Variants in OGDHL observed in about 807,000 individuals in gnomAD.
The protein encoded by OGDHL is oxoglutarate dehydrogenase L.
In OGDHL, 79 loss-of-function variants were observed where a neutral mutation model predicts 109.6. The observed-to-expected ratio is 0.72, with a 90% CI of 0.60 to 0.87. The LOEUF is 0.87. Among genes scored for constraint, OGDHL ranks in the 40% least tolerant of loss-of-function variants. The pLI is 0.00. For synonymous variants in OGDHL, 528 were observed against 537.2 expected (o/e 0.98, Z 0.24); for missense variants, 1,275 against 1,362.2 (o/e 0.94, Z 1.01).
At chr10:49,746,922 C>T (rs755066127) in intron 9 of OGDHL, 44 bp from the exon 10 acceptor site, 6 of 1,613,072 alleles carry the variant, frequency 3.7e-6, no homozygotes, top group Middle Eastern at 1.6e-4. Context: ...TGCCCCAGCC[C>T]ATGTAGCCCA....
chr10:49,744,769 G>A lies in OGDHL; in HGVS notation c.1630-17C>T, dbSNP rs763964956. ...AATTTCTTCCTGGAATCAGGATGAAGATGTGGACAGAGCACCAAAGCCCTG... is the reference window on the plus strand; with the variant it reads ...AATTTCTTCCTGGAATCAGGATGAAAATGTGGACAGAGCACCAAAGCCCTG... On this transcript the variant is annotated splice_polypyrimidine_tract_variant and intron_variant, in intron 12 of 22. Coordinates refer to ENST00000374103, the MANE Select transcript of OGDHL (RefSeq NM_018245.3). 3 of 1,597,850 alleles carry A rather than the reference G, an allele frequency of 1.9e-6. No homozygotes were observed. The highest frequency in any genetic ancestry group is 2.6e-6 in the Non-Finnish European group (3 of 1,165,134).
Position 49,744,498 on chromosome 10 carries a change from C to T in OGDHL, c.1732+152G>A, listed in dbSNP as rs971638677. 45 of 637,536 alleles carry T rather than the reference C, an allele frequency of 7.1e-5. 1 individual carries two copies. The highest frequency in any genetic ancestry group is 1.4e-4 in the South Asian group (7 of 51,744). 39.5% of individuals were successfully genotyped at this position (637,536 alleles called of 1,614,324 possible). ...AATGCTATCCTTGACTTGCAGGAAT[C>T]GGCCCCACGCAGCTTTGGGGACTCA... On this transcript the variant is annotated intron_variant, in intron 13 of 22. Coordinates refer to ENST00000374103, the MANE Select transcript of OGDHL (RefSeq NM_018245.3).
chr10:49,754,438 A>C (rs906593540), intron 3 of OGDHL, among the ~76,000 whole-genome samples: 1 of 152,226 alleles, frequency 6.6e-6, no homozygotes, highest in Non-Finnish European at 1.5e-5. Flanking sequence ...TCACTGAATA[A>C]AAGAAAAAAA....
At chr10:49,739,439 G>A in intron 17 of OGDHL, 3 of 513,190 alleles carry the variant, frequency 5.8e-6, no homozygotes, top group East Asian at 6.1e-5. Context: ...CTGGCGCACA[G>A]CAAGCACTCA....
At chr10:49,737,613 C>G (rs1017907244) in intron 20 of OGDHL, among the ~76,000 whole-genome samples, 173 bp downstream of exon 20, 3 of 152,144 alleles carry the variant, frequency 2.0e-5, no homozygotes, top group Non-Finnish European at 4.4e-5. Flanking sequence ...TGGCCCAGGT[C>G]AGCCATTGTG....
At chr10:49,747,486 G>C (rs905567521) in intron 8 of OGDHL, among the ~76,000 whole-genome samples, 2 of 152,306 alleles carry the variant, frequency 1.3e-5, no homozygotes, top group East Asian at 3.9e-4. Flanking sequence ...TCCAGCGGTG[G>C]GGAAGGCAGG....
chr10:49,743,011 G>C (rs1590707326), intron 14 of OGDHL, 33 bp from the exon 15 acceptor site: 1 of 1,605,918 alleles, frequency 6.2e-7, no homozygotes, highest in Non-Finnish European at 8.5e-7. Context: ...TGAGGGCCAA[G>C]GGACAGCCAG....
In OGDHL at chr10:49,746,769, T is replaced by C. The variant is rs1350052979; in HGVS notation, c.1277A>G (p.His426Arg). Residue 426 changes from histidine (H) to arginine (R), a missense_variant, in exon 10 of 23, where the codon CAC (histidine) becomes CGC (arginine). Physicochemically the swap from His to Arg is conservative, Grantham distance 29. Transcript: ENST00000374103. ...LPSYTTNGTV[H>R]VVVNNQIGFT... is the part of the protein sequence containing the mutation. ...GCTCACCTGGTTGTTGACGACGACG[T>C]GCACGGTACCATTGGTCGTGTAGGA... 5.0e-6 allele frequency: 8 copies of C among 1,614,030 alleles called. No individual in the cohort carries two copies. Among genetic ancestry groups the C allele is most frequent in the Non-Finnish European group, 6.8e-6 (8 of 1,180,014 alleles).
chr10:49,746,087 C>A lies in OGDHL; in HGVS notation c.1297-110G>T, dbSNP rs992131066. Reference sequence around the variant, plus strand: ...GATGCTCAAGGTCCACTGAGGTGCCCAGGAGGAATGTGGGACACAACAGGG... The same window carrying A: ...GATGCTCAAGGTCCACTGAGGTGCCAAGGAGGAATGTGGGACACAACAGGG... On this transcript the variant is annotated intron_variant, in intron 10 of 22. Coordinates refer to ENST00000374103, the MANE Select transcript of OGDHL (RefSeq NM_018245.3). 5 of 1,258,262 alleles carry A rather than the reference C, an allele frequency of 4.0e-6. No individual in the cohort carries two copies. The Admixed American group carries it at 7.0e-5, about 18-fold the overall frequency. The allele number at this position is 1,258,262 out of a possible 1,614,324, so 77.9% of individuals were successfully genotyped here. A position where few individuals can be genotyped will look rare whatever the true frequency, so the allele number is the denominator to read the frequency against.
At chr10:49,740,667 G>A (rs553195768) in intron 16 of OGDHL, 43 bp downstream of exon 16, 1 of 1,596,072 alleles carries the variant, frequency 6.3e-7, no homozygotes, top group African/African-American at 1.3e-5. Flanking sequence ...CTTGTCCCCA[G>A]GTGTCTGGGG....
intron 6 of OGDHL, among the ~76,000 whole-genome samples, chr10:49,751,529 T>G (rs372086968): frequency 6.6e-6 from 1 of 152,234 alleles, no homozygotes; most frequent in East Asian, 1.9e-4. Flanking sequence ...CCAGGGATAA[T>G]TTTCTGCCCA....
At chr10:49,742,363 C>T (rs1187480367) in intron 15 of OGDHL, among the ~76,000 whole-genome samples, 4 of 5,104 alleles carry the variant, frequency 7.8e-4, no homozygotes, top group Admixed American at 2.4e-3. Flanking sequence ...ACACAACACA[C>T]CACACACCCA....
chr10:49,739,460 C>G (rs140843137), intron 17 of OGDHL: 26 of 575,690 alleles, frequency 4.5e-5, no homozygotes, highest in African/African-American at 3.5e-4. Context: ...TACGTGGTAG[C>G]GCCTTCTGCT....
intron 7 of OGDHL, among the ~76,000 whole-genome samples, chr10:49,750,209 A>C (rs1842489755): frequency 2.0e-5 from 3 of 152,088 alleles, no homozygotes; most frequent in Admixed American, 6.6e-5. Context: ...TCACGGGAAA[A>C]GCCCAGGGCC....
Position 49,736,208 on chromosome 10 carries a change from A to G in OGDHL, c.2755-31T>C, listed in dbSNP as rs1841158836. 4 of 1,572,416 alleles carry G rather than the reference A, an allele frequency of 2.5e-6. No homozygotes were observed. In the African/African-American group the frequency reaches 5.4e-5, roughly 21 times the overall value. On this transcript the variant is annotated intron_variant, in intron 21 of 22. Coordinates refer to ENST00000374103, the MANE Select transcript of OGDHL (RefSeq NM_018245.3). ...GAGGCAGAAACAAAGGAGCATAGCC[A>G]GAGGAGGGGCGGTATGTCCCCAGCA...
intron 8 of OGDHL, among the ~76,000 whole-genome samples, chr10:49,747,729 C>T (rs1298822653): frequency 6.6e-6 from 1 of 152,092 alleles, no homozygotes; most frequent in African/African-American, 2.4e-5. Flanking sequence ...AAACCCACGC[C>T]CAGCGATAGG....
Position 49,736,504 on chromosome 10 carries a change from C to A in OGDHL, c.2607G>T (p.Arg869=), listed in dbSNP as rs1478796664. 6.2e-7 allele frequency: 1 copy of A among 1,613,420 alleles called. No individual in the cohort carries two copies. Among genetic ancestry groups the A allele is most frequent in the Non-Finnish European group, 8.5e-7 (1 of 1,179,978 alleles). Residue 869 remains arginine (R), a synonymous_variant, in exon 21 of 23, where the codon CGG becomes CGT. Transcript: ENST00000374103. ...DQMVSGTSFQ[R]VIPEDGAAAR... Reference sequence around the variant, plus strand: ...CTGCGGCCCCATCTTCAGGAATCACCCGCTGGAAGCTGGTCCCTGAGGGAC... The same window carrying A: ...CTGCGGCCCCATCTTCAGGAATCACACGCTGGAAGCTGGTCCCTGAGGGAC...
In OGDHL at chr10:49,744,686, G is replaced by A. The variant is rs1842047016; in HGVS notation, c.1696C>T (p.Leu566=). 3.7e-6 allele frequency: 6 copies of A among 1,614,182 alleles called. No individual in the cohort carries two copies. Among genetic ancestry groups the A allele is most frequent in the Non-Finnish European group, 5.1e-6 (6 of 1,180,026 alleles). Residue 566 remains leucine (L), a synonymous_variant, in exon 13 of 23, where the codon CTG becomes TTG. Transcript: ENST00000374103. ...GAGTCCAACCAGTGCTTTATATGCA[G>A]AATCTTTTTATCCTTGGACCTGCCA... ...AYGRSKDKKI[L]HIKHWLDSPW...
chr10:49,747,297 C>A lies in OGDHL; in HGVS notation c.988-89G>T, dbSNP rs74131127. 2.6e-4 allele frequency: 370 copies of A among 1,421,790 alleles called. No homozygotes were observed. The African/African-American group carries it at 4.5e-3, about 17-fold the overall frequency. 88.1% of individuals were successfully genotyped at this position (1,421,790 alleles called of 1,614,324 possible). On this transcript the variant is annotated intron_variant, in intron 8 of 22. Coordinates refer to ENST00000374103, the MANE Select transcript of OGDHL (RefSeq NM_018245.3). The stretch of plus-strand genomic sequence containing the variant: ...GCAGGCACTGCAGCCCACAGTCAGG[C>A]TGGCACATTCCCCCGATCCCACTGC...
Sources: allele counts gnomAD v4.1 joint callset (sites outside exome capture counted in the v4.1 genomes callset), GRCh38; gene constraint gnomAD v4.1.1; transcripts MANE v1.5; gene names NCBI Gene and HGNC (gene_info 2026-07-23, HGNC 2026-07-21).